Variants in NRP1 observed in about 807,000 individuals in gnomAD.
NRP1 encodes the protein neuropilin-1.
NRP1 carries 35 observed loss-of-function variants against 106.7 expected under a neutral mutation model. The ratio of observed to expected loss-of-function variants is 0.33; its 90% CI spans 0.25 to 0.43. The LOEUF (loss-of-function observed/expected upper bound fraction) is 0.43. Ranked by LOEUF, NRP1 falls within the 20% of genes least tolerant of loss-of-function variation. NRP1 has a pLI of 1.00. For missense variants in NRP1, 1,024 were observed against 1,170.4 expected (o/e 0.87, Z 1.83); for synonymous variants, 437 against 417.9 (o/e 1.05, Z -0.56).
At chr10:33,263,040 G>A (rs958886829) in intron 4 of NRP1, among the ~76,000 whole-genome samples, 1 of 152,216 alleles carries the variant, frequency 6.6e-6, no homozygotes, top group African/African-American at 2.4e-5. Flanking sequence ...ATAGGTCAAT[G>A]ACTATAAATG....
chr10:33,272,175 ATG>A (rs1843352142), intron 2 of NRP1, among the ~76,000 whole-genome samples: 1 of 152,228 alleles, frequency 6.6e-6, no homozygotes, highest in Non-Finnish European at 1.5e-5. Context: ...AACTGCAACG[ATG>A]CTATCACTAG....
intron 2 of NRP1, among the ~76,000 whole-genome samples, chr10:33,312,802 T>G (rs550792422): frequency 2.6e-5 from 4 of 151,114 alleles, no homozygotes; most frequent in South Asian, 4.2e-4. Flanking sequence ...TCCTTTGTGG[T>G]TTTTTTTTCA....
intron 2 of NRP1, among the ~76,000 whole-genome samples, chr10:33,289,426 T>G (rs1197317901): frequency 3.3e-5 from 5 of 152,174 alleles, no homozygotes; most frequent in African/African-American, 1.2e-4. Context: ...CTTATCTGTT[T>G]TAGTTTCCAC....
intron 6 of NRP1, among the ~76,000 whole-genome samples, chr10:33,246,583 AACACACAC>A (rs59215824): frequency 2.9e-5 from 4 of 137,736 alleles, no homozygotes; most frequent in African/African-American, 7.6e-5. Context: ...AGTTGCAATA[AACACACAC>A]ACACACACAC....
At chr10:33,188,470 C>G (rs2132609007) in intron 13 of NRP1, among the ~76,000 whole-genome samples, 1 of 152,250 alleles carries the variant, frequency 6.6e-6, no homozygotes, top group African/African-American at 2.4e-5. Context: ...TGCCATGTAA[C>G]AGGGCTTCTC....
At chr10:33,264,453 T>A (rs1842784405) in intron 3 of NRP1, among the ~76,000 whole-genome samples, 1 of 152,114 alleles carries the variant, frequency 6.6e-6, no homozygotes, top group African/African-American at 2.4e-5. Context: ...GGTGGGCCGG[T>A]AAAGTGTGGC....
intron 2 of NRP1, among the ~76,000 whole-genome samples, chr10:33,285,818 G>A (rs1309046973): frequency 2.0e-5 from 3 of 148,180 alleles, no homozygotes; most frequent in African/African-American, 7.5e-5. Flanking sequence ...GGGGGAGGGA[G>A]CGAGACTCCA....
intron 1 of NRP1, among the ~76,000 whole-genome samples, chr10:33,333,964 T>C (rs569021847): frequency 3.5e-4 from 53 of 152,190 alleles, no homozygotes; most frequent in Admixed American, 8.5e-4. Flanking sequence ...TCAACAGCCA[T>C]CAGATTTTTG....
chr10:33,216,162 G>A (rs1021380398), intron 8 of NRP1, among the ~76,000 whole-genome samples: 1 of 147,768 alleles, frequency 6.8e-6, no homozygotes, highest in African/African-American at 2.5e-5. Flanking sequence ...TTTTGAGAAG[G>A]AGTCTCGCTC....
At chr10:33,220,056 G>A (rs1839103965) in intron 8 of NRP1, among the ~76,000 whole-genome samples, 1 of 152,044 alleles carries the variant, frequency 6.6e-6, no homozygotes. Context: ...TGCCTCTAAG[G>A]CCTTGAACTT....
At chr10:33,329,843 A>G (rs1008761465) in intron 2 of NRP1, among the ~76,000 whole-genome samples, 9 of 152,234 alleles carry the variant, frequency 5.9e-5, no homozygotes, top group Admixed American at 2.6e-4. Context: ...GCAAACATGT[A>G]TCTGAGTGGA....
At chr10:33,280,159 G>T (rs967395193) in intron 2 of NRP1, among the ~76,000 whole-genome samples, 6 of 152,180 alleles carry the variant, frequency 3.9e-5, no homozygotes, top group African/African-American at 1.4e-4. Flanking sequence ...TAAATTTCTT[G>T]TTTCTGAGGA....
intron 9 of NRP1, among the ~76,000 whole-genome samples, chr10:33,208,225 T>C (rs964364967): frequency 2.0e-5 from 3 of 152,090 alleles, no homozygotes; most frequent in Admixed American, 2.0e-4. Context: ...CACGCCGAGC[T>C]AATTTTTTGT....
intron 6 of NRP1, among the ~76,000 whole-genome samples, chr10:33,251,484 C>A (rs1342065138): frequency 6.6e-6 from 1 of 152,192 alleles, no homozygotes; most frequent in African/African-American, 2.4e-5. Context: ...ACAGAGCAGA[C>A]CCCAGCTGGC....
chr10:33,200,702 T>A (rs990204108), intron 11 of NRP1, among the ~76,000 whole-genome samples: 17 of 152,248 alleles, frequency 1.1e-4, no homozygotes, highest in African/African-American at 3.9e-4. Flanking sequence ...AAATTGCTTG[T>A]GAGCATAGGA....
rs776033868 is a variant in NRP1, at chr10:33,226,177, T to C, written c.1094A>G (p.Asn365Ser). 23 of 1,614,094 alleles carry C rather than the reference T, an allele frequency of 1.4e-5. No homozygotes were observed. The highest frequency in any genetic ancestry group is 1.9e-5 in the Non-Finnish European group (23 of 1,180,038). Residue 365 changes from asparagine (N) to serine (S), a missense_variant, in exon 7 of 17, where the codon AAC becomes AGC. Asn to Ser is a conservative substitution (Grantham distance 46). Coordinates refer to ENST00000374867, the MANE Select transcript of NRP1 (RefSeq NM_003873.7). ...TTTTATGGTGATCCAGTCTTCCCCG[T>C]TGGAGCTAACGTCGATCTTGTAAGT... ...VKTYKIDVSSNGEDWITIKEG... is the reference protein window; with the variant it reads ...VKTYKIDVSSSGEDWITIKEG...
At chr10:33,237,952 C>G (rs55982549) in intron 6 of NRP1, among the ~76,000 whole-genome samples, 114 of 152,310 alleles carry the variant, frequency 7.5e-4, no homozygotes, top group African/African-American at 2.6e-3. Flanking sequence ...CTCACACATA[C>G]ACAAATGCAC....
At chr10:33,190,506 G>A (rs1325408018) in intron 13 of NRP1, among the ~76,000 whole-genome samples, 3 of 152,156 alleles carry the variant, frequency 2.0e-5, no homozygotes, top group Non-Finnish European at 4.4e-5. Flanking sequence ...GTGGAAGGAG[G>A]CCTATTCAAC....
intron 13 of NRP1, among the ~76,000 whole-genome samples, chr10:33,191,423 G>A (rs528257667): frequency 1.4e-4 from 21 of 152,256 alleles, no homozygotes; most frequent in South Asian, 4.1e-4. Context: ...ATTCCACACC[G>A]TCTTTCCCCA....
Sources: allele counts gnomAD v4.1 joint callset (sites outside exome capture counted in the v4.1 genomes callset), GRCh38; gene constraint gnomAD v4.1.1; transcripts MANE v1.5; gene names NCBI Gene and HGNC (gene_info 2026-07-23, HGNC 2026-07-21).